KCNQ2: variants seen among roughly 807,000 people sequenced by gnomAD.
KCNQ2 encodes potassium voltage-gated channel subfamily KQT member 2.
In KCNQ2, 14 loss-of-function variants were observed where a neutral mutation model predicts 84.8. That is an observed-to-expected ratio of 0.17 (90% CI 0.11 to 0.26). The LOEUF (loss-of-function observed/expected upper bound fraction) is 0.26. KCNQ2 is among the 10% of genes least tolerant of loss of function. The pLI, the probability that KCNQ2 is intolerant of heterozygous loss-of-function variation, is 1.00. For missense variants in KCNQ2, 788 were observed against 1,254.0 expected, an observed-to-expected ratio of 0.63 and a Z score of 5.61; for synonymous variants, 599 against 554.1, an observed-to-expected ratio of 1.08 and a Z score of -1.14.
chr20:63,422,875 G>A (rs1309841283), intron 11 of KCNQ2, among the ~76,000 whole-genome samples: 1 of 152,178 alleles, frequency 6.6e-6, no homozygotes, highest in East Asian at 1.9e-4. Flanking sequence ...AGGGCGTGGG[G>A]CCCTGCCACG....
intron 1 of KCNQ2, among the ~76,000 whole-genome samples, chr20:63,470,262 T>C (rs4809570): frequency 0.11 from 17,036 of 148,488 alleles, 1,402 homozygotes; most frequent in East Asian, 0.45. Context: ...GGGAGCTCCG[T>C]GCCCACAGCA....
At chr20:63,439,150 C>A (rs895428551) in intron 6 of KCNQ2, among the ~76,000 whole-genome samples, 1 of 152,202 alleles carries the variant, frequency 6.6e-6, no homozygotes, top group Admixed American at 6.5e-5. Flanking sequence ...CAGCCTCTTG[C>A]CGTGCACCAG....
intron 1 of KCNQ2, among the ~76,000 whole-genome samples, chr20:63,453,224 AG>A (rs1248141874): frequency 2.6e-5 from 4 of 152,340 alleles, no homozygotes; most frequent in Non-Finnish European, 4.4e-5. Flanking sequence ...TCCAGCTCGA[AG>A]GCACTGGCCC....
chr20:63,465,717 C>T (rs1035268795), intron 1 of KCNQ2, among the ~76,000 whole-genome samples: 2 of 152,188 alleles, frequency 1.3e-5, no homozygotes, highest in East Asian at 1.9e-4. Flanking sequence ...ACCCAGGACG[C>T]GCTTCCTCCT....
intron 1 of KCNQ2, chr20:63,471,845 C>T: frequency 3.2e-6 from 1 of 315,558 alleles, no homozygotes; most frequent in Non-Finnish European, 5.8e-6. Context: ...CCTCCCCGGC[C>T]GGCCCTTTGT....
chr20:63,434,022 G>A, intron 7 of KCNQ2, 119 bp from the exon 8 acceptor site: 1 of 800,604 alleles, frequency 1.2e-6, no homozygotes, highest in Non-Finnish European at 2.0e-6. Flanking sequence ...CAGGCACTCA[G>A]GACTCTGGGC....
At chr20:63,436,775 C>CT (rs60028841) in intron 7 of KCNQ2, among the ~76,000 whole-genome samples, 42,467 of 122,264 alleles carry the variant, frequency 0.35, 8,613 homozygotes, top group East Asian at 0.59. Flanking sequence ...ATAAACATAA[C>CT]TTTTTTTTTT....
rs138176417 is a variant in KCNQ2 at position 63,433,798 on chromosome 20, G to A, written c.1118+11C>T. On this transcript the variant is annotated intron_variant, in intron 8 of 16. Coordinates refer to ENST00000359125, the MANE Select transcript of KCNQ2 (RefSeq NM_172107.4). ...AACAGTTGCTTGGTGGCAGGTGCCC[G>A]GCGGCGGTACCTGTACATGGGCACG... 3.1e-6 allele frequency: 5 copies of A among 1,613,840 alleles called. No individual in the cohort carries two copies. Among genetic ancestry groups the A allele is most frequent in the African/African-American group, 1.3e-5 (1 of 75,064 alleles).
At position 63,402,909 on chromosome 20, in the gene KCNQ2, G is replaced by C. The variant is rs2145454441; in HGVS notation, c.*3735C>G. The C allele has an allele frequency of 6.6e-6, 1 of 152,442 alleles. No individual in the cohort carries two copies. Among genetic ancestry groups the C allele is most frequent in the South Asian group, 2.1e-4 (1 of 4,822 alleles). 9.4% of individuals were successfully genotyped at this position (152,442 alleles called of 1,614,324 possible). A position where few individuals can be genotyped will look rare whatever the true frequency, so the allele number is the denominator to read the frequency against. On this transcript the variant is annotated 3_prime_UTR_variant, in exon 17 of 17. Transcript: ENST00000359125. ...CCCTCCCCCAGCGTGTCCCAGCCGT[G>C]GTGGCAGCTGGAAGACTCACGGACT...
At position 63,414,603 on chromosome 20, in the gene KCNQ2, G is replaced by T. The variant is rs2080227929; in HGVS notation, c.1525+300C>A. Among the ~76,000 whole-genome samples, 1 of 152,068 alleles carries T rather than the reference G, an allele frequency of 6.6e-6. No homozygotes were observed. The highest frequency in any genetic ancestry group is 1.5e-5 in the Non-Finnish European group (1 of 68,010). On this transcript the variant is annotated intron_variant, in intron 13 of 16. Coordinates refer to ENST00000359125, the MANE Select transcript of KCNQ2 (RefSeq NM_172107.4). The surrounding 1 kb of genome is among the most constrained non-coding windows in gnomAD (Gnocchi z 6.6). ...CAGCGGGTGCTGGGGCTGAGGCGGG[G>T]AATGGGGTGACTACTGATGGGGTCA...
chr20:63,408,068 G>C lies in KCNQ2; in HGVS notation c.1887+345C>G. ...CCCAGAAGACAGCGGCCAGGGTGTC[G>C]GGCAAGGAGGACAGAGAGGAGGAAG... is the stretch of plus-strand genomic sequence containing the variant. On this transcript the variant is annotated intron_variant, in intron 16 of 16. Transcript: ENST00000359125. This position sits in a 1 kb window ranked among gnomAD's most constrained non-coding sequence, Gnocchi z 5.0. The C allele has an allele frequency of 2.9e-6, 1 of 339,132 alleles. No homozygotes were observed. Among genetic ancestry groups the C allele is most frequent in the Non-Finnish European group, 5.7e-6 (1 of 175,596 alleles). 21.0% of individuals were successfully genotyped at this position (339,132 alleles called of 1,614,324 possible). A position where few individuals can be genotyped will look rare whatever the true frequency, so the allele number is the denominator to read the frequency against.
chr20:63,403,593 C>A lies in KCNQ2; in HGVS notation c.*3051G>T, dbSNP rs541050496. On this transcript the variant is annotated 3_prime_UTR_variant, in exon 17 of 17. Transcript: ENST00000359125. Reference sequence around the variant, plus strand: ...TGTGTGCATGTGTGTGATCTGTGCACGTGTACATGTAAGCGTGCATGTGTA... The same window carrying A: ...TGTGTGCATGTGTGTGATCTGTGCAAGTGTACATGTAAGCGTGCATGTGTA... 1 of 152,354 alleles carries A rather than the reference C, an allele frequency of 6.6e-6. No individual in the cohort carries two copies. Among genetic ancestry groups the A allele is most frequent in the African/African-American group, 2.4e-5 (1 of 41,410 alleles). The allele number at this position is 152,354 out of a possible 1,614,324, so 9.4% of individuals were successfully genotyped here. A position where few individuals can be genotyped will look rare whatever the true frequency, so the allele number is the denominator to read the frequency against.
At chr20:63,421,560 T>C (rs1601595952) in intron 11 of KCNQ2, among the ~76,000 whole-genome samples, 1 of 151,850 alleles carries the variant, frequency 6.6e-6, no homozygotes, top group Non-Finnish European at 1.5e-5. Flanking sequence ...TGACCCGAGG[T>C]CGGACAGGCG....
chr20:63,442,547 C>T lies in KCNQ2; in HGVS notation c.691-16G>A. On this transcript the variant is annotated splice_polypyrimidine_tract_variant and intron_variant, in intron 4 of 16. Transcript: ENST00000359125. ...TGACCAGCTCCTGAGAGGCAGACGG[C>T]ACCACCATCATGACCACCATCACCA... 1 of 1,612,534 alleles carries T rather than the reference C, an allele frequency of 6.2e-7. No individual in the cohort carries two copies. The highest frequency in any genetic ancestry group is 8.5e-7 in the Non-Finnish European group (1 of 1,179,716).
chr20:63,454,632 C>T (rs1046846714), intron 1 of KCNQ2, among the ~76,000 whole-genome samples: 1 of 152,268 alleles, frequency 6.6e-6, no homozygotes, highest in Non-Finnish European at 1.5e-5. Flanking sequence ...GCCTACAAAC[C>T]GTGGTGTCCC....
rs368050380 is a variant in KCNQ2 at position 63,407,223 on chromosome 20, G to C, written c.2040C>G (p.Val680=). ...TCTTGACAATGCAGCCGTGCCTGTC[G>C]ACATGCTCCCGGCTGTCTTCCGGGC... ...YHSPEDSREH[V]DRHGCIVKIV... The change falls in exon 17 of 17, where the codon GTC becomes GTG. Residue 680 remains valine, a synonymous_variant. Transcript: ENST00000359125. This position sits in a 1 kb window ranked among gnomAD's most constrained non-coding sequence, Gnocchi z 7.2. The C allele has an allele frequency of 3.7e-6, 6 of 1,604,156 alleles. No individual in the cohort carries two copies. The highest frequency in any genetic ancestry group is 1.7e-5 in the Admixed American group (1 of 59,976).
intron 1 of KCNQ2, chr20:63,458,999 G>C (rs1488338275): frequency 6.6e-6 from 1 of 152,282 alleles, no homozygotes; most frequent in Non-Finnish European, 1.5e-5. Context: ...CACTCACCGC[G>C]TGTCCACAGC....
chr20:63,414,159 G>A lies in KCNQ2; in HGVS notation c.1560C>T (p.Asp520=), dbSNP rs1433040508. 1 of 1,613,722 alleles carries A rather than the reference G, an allele frequency of 6.2e-7. No individual in the cohort carries two copies. The highest frequency in any genetic ancestry group is 2.2e-5 in the East Asian group (1 of 44,870). ...ASLPGEDIVD[D]KSCPCEFVTE... ...TCACAAACTCGCAGGGGCAGCTCTT[G>A]TCATCCACAATGTCCTCTCCGGGGA... The change falls in exon 14 of 17, where the codon GAC becomes GAT. Residue 520 remains aspartate, a synonymous_variant. Coordinates refer to ENST00000359125, the MANE Select transcript of KCNQ2 (RefSeq NM_172107.4). This position sits in a 1 kb window ranked among gnomAD's most constrained non-coding sequence, Gnocchi z 6.6.
chr20:63,443,105 T>TCAC (rs2081276676), intron 4 of KCNQ2, among the ~76,000 whole-genome samples: 1 of 10,994 alleles, frequency 9.1e-5, no homozygotes, highest in East Asian at 5.3e-3. Flanking sequence ...ACCATCACCA[T>TCAC]CACCACCACC....
Sources: gnomAD v4.1 joint callset for allele counts (sites outside exome capture counted in the v4.1 genomes callset) on GRCh38, gnomAD v4.1.1 for gene constraint, Gnocchi (gnomAD v3.1) non-coding constraint, MANE v1.5 for transcripts, NCBI Gene and HGNC (gene_info 2026-07-23, HGNC 2026-07-21) for gene names.